Variants in CSMD1 observed in about 807,000 individuals in gnomAD.
The protein encoded by CSMD1 is CUB and Sushi multiple domains 1, also known as CUB and sushi domain-containing protein 1.
In CSMD1, 213 loss-of-function variants were observed where a neutral mutation model predicts 417.5. The observed-to-expected ratio is 0.51, with a 90% CI of 0.46 to 0.57. The LOEUF (loss-of-function observed/expected upper bound fraction) is 0.57. CSMD1 is among the 20% of genes least tolerant of loss of function. The pLI is 0.00. For missense variants in CSMD1, 6,923 were observed against 4,529.7 expected (o/e 1.53, Z -15.17); for synonymous variants, 2,862 against 1,736.8 (o/e 1.65, Z -16.11).
chr8:4,388,600 G>GCAAA (rs1803631355), intron 3 of CSMD1, among the ~76,000 whole-genome samples: 1 of 152,078 alleles, frequency 6.6e-6, no homozygotes, highest in Non-Finnish European at 1.5e-5. Context: ...AGGGTACAGT[G>GCAAA]TATACTGCTC....
chr8:4,192,364 AG>A (rs1422372766), intron 3 of CSMD1, among the ~76,000 whole-genome samples: 2 of 152,146 alleles, frequency 1.3e-5, no homozygotes, highest in East Asian at 3.9e-4. Flanking sequence ...TGGATGTCTT[AG>A]AGACTCTTTC....
intron 1 of CSMD1, among the ~76,000 whole-genome samples, chr8:4,946,164 A>C (rs1322913271): frequency 6.6e-6 from 1 of 152,086 alleles, no homozygotes; most frequent in Non-Finnish European, 1.5e-5. Flanking sequence ...TCAATTAAAA[A>C]CTTTGATACT....
intron 8 of CSMD1, among the ~76,000 whole-genome samples, chr8:3,600,054 G>A (rs548123197): frequency 1.3e-5 from 2 of 152,196 alleles, no homozygotes; most frequent in East Asian, 3.9e-4. Flanking sequence ...ACTAAGGGTA[G>A]AGCTGGTTCT....
intron 10 of CSMD1, among the ~76,000 whole-genome samples, chr8:3,554,197 T>C (rs866206607): frequency 6.6e-6 from 1 of 152,136 alleles, no homozygotes; most frequent in African/African-American, 2.4e-5. Context: ...ATATAGCCAT[T>C]TAAGGCAAAA....
intron 5 of CSMD1, among the ~76,000 whole-genome samples, chr8:3,921,994 T>C (rs1809307351): frequency 6.6e-6 from 1 of 152,186 alleles, no homozygotes. Context: ...TAAAGTTCCA[T>C]ACTGTTAATA....
chr8:4,264,399 A>G (rs1375222064), intron 3 of CSMD1, among the ~76,000 whole-genome samples: 3 of 152,236 alleles, frequency 2.0e-5, no homozygotes, highest in African/African-American at 7.2e-5. Context: ...AAACATCCAC[A>G]GAGGTTGCAC....
At chr8:3,277,734 G>C (rs1802412290) in intron 26 of CSMD1, among the ~76,000 whole-genome samples, 1 of 152,164 alleles carries the variant, frequency 6.6e-6, no homozygotes, top group Admixed American at 6.5e-5. Context: ...GAAGGCAGGT[G>C]GACACTCAGG....
chr8:3,283,725 T>C (rs1802919526), intron 26 of CSMD1, among the ~76,000 whole-genome samples: 1 of 152,172 alleles, frequency 6.6e-6, no homozygotes, highest in Non-Finnish European at 1.5e-5. Flanking sequence ...AATGAAGACA[T>C]AGACACACAG....
intron 2 of CSMD1, among the ~76,000 whole-genome samples, chr8:4,432,058 G>C (rs1312081706): frequency 2.6e-5 from 4 of 152,092 alleles, no homozygotes; most frequent in Non-Finnish European, 4.4e-5. Flanking sequence ...AGTGCTCACA[G>C]ACTAAAACAG....
chr8:4,780,590 T>C (rs1797105400), intron 1 of CSMD1, among the ~76,000 whole-genome samples: 1 of 150,338 alleles, frequency 6.7e-6, no homozygotes, highest in Non-Finnish European at 1.5e-5. Flanking sequence ...TTTCCATAAG[T>C]TATTGGGGTA....
At chr8:3,860,037 G>C (rs566963554) in intron 5 of CSMD1, among the ~76,000 whole-genome samples, 1 of 152,154 alleles carries the variant, frequency 6.6e-6, no homozygotes, top group Admixed American at 6.5e-5. Flanking sequence ...TGTGCTTGTG[G>C]AGGGTCATGC....
chr8:4,967,458 T>C (rs922421095), intron 1 of CSMD1, among the ~76,000 whole-genome samples: 1 of 152,180 alleles, frequency 6.6e-6, no homozygotes, highest in Admixed American at 6.6e-5. Flanking sequence ...GTTAAGTCTA[T>C]TACCAGTGAA....
chr8:4,679,532 A>G (rs569540474), intron 1 of CSMD1, among the ~76,000 whole-genome samples: 1 of 152,316 alleles, frequency 6.6e-6, no homozygotes, highest in East Asian at 1.9e-4. Context: ...ATTGGCCCCA[A>G]AATGCCAAAT....
At chr8:4,342,069 C>A (rs1217960758) in intron 3 of CSMD1, among the ~76,000 whole-genome samples, 5 of 152,078 alleles carry the variant, frequency 3.3e-5, no homozygotes, top group African/African-American at 7.2e-5. Context: ...GAAGATCCTG[C>A]AGTTCAAGTA....
intron 6 of CSMD1, among the ~76,000 whole-genome samples, chr8:3,728,104 C>T (rs1802600119): frequency 6.6e-6 from 1 of 152,162 alleles, no homozygotes; most frequent in Admixed American, 6.5e-5. Context: ...TGAATTGTAG[C>T]TCCCATAATT....
Position 4,312,464 on chromosome 8 carries a change from C to T in CSMD1, c.415+107489G>A, listed in dbSNP as rs1163329835. 5.9e-5 allele frequency among the ~76,000 whole-genome samples: 7 copies of T among 119,210 alleles called. No individual in the cohort carries two copies. The South Asian group carries it at 7.0e-4, about 12-fold the overall frequency. 78.2% of individuals were successfully genotyped at this position (119,210 alleles called of 152,430 possible). On this transcript the variant is annotated intron_variant, in intron 3 of 69. Coordinates refer to ENST00000635120, the MANE Select transcript of CSMD1 (RefSeq NM_033225.6). The stretch of plus-strand genomic sequence containing the variant: ...GTATATATATACGTATATATATGCG[C>T]GTATATATATATATACACATATAGA...
In CSMD1 at chr8:3,308,407, C is replaced by CTGTACAGAACTACAGTGTCGGTAAA; in HGVS notation, c.3703_3727dup (p.Ser1243IlefsTer65). ...ATGCATGGCGTACCCCGGGTTGCAA[C>CTGTACAGAACTACAGTGTCGGTAAA]TGTACAGAACTACAGTGTCGGTAAA... On this transcript the variant is annotated frameshift_variant, in exon 24 of 70. Transcript: ENST00000635120. LOFTEE classifies it high-confidence loss of function. 2 of 1,613,846 alleles carry CTGTACAGAACTACAGTGTCGGTAAA rather than the reference C, an allele frequency of 1.2e-6. No individual in the cohort carries two copies. The highest frequency in any genetic ancestry group is 1.7e-6 in the Non-Finnish European group (2 of 1,179,820).
intron 7 of CSMD1, among the ~76,000 whole-genome samples, chr8:3,684,532 G>C (rs1320439733): frequency 2.0e-5 from 3 of 149,978 alleles, no homozygotes; most frequent in African/African-American, 7.4e-5. Flanking sequence ...TGGCCATCTA[G>C]AAACAAATGG....
At chr8:3,066,618 T>C (rs1222356631) in intron 49 of CSMD1, among the ~76,000 whole-genome samples, 2 of 152,222 alleles carry the variant, frequency 1.3e-5, no homozygotes, top group African/African-American at 4.8e-5. Flanking sequence ...GAGTAATAGC[T>C]TTAGTAAAAC....
Sources: gnomAD v4.1 joint callset for allele counts (sites outside exome capture counted in the v4.1 genomes callset) on GRCh38, gnomAD v4.1.1 for gene constraint, MANE v1.5 for transcripts, NCBI Gene and HGNC (gene_info 2026-07-23, HGNC 2026-07-21) for gene names.